NSUN3: variants seen among roughly 807,000 people sequenced by gnomAD.
The protein encoded by NSUN3 is tRNA (cytosine(34)-C(5))-methyltransferase, mitochondrial.
NSUN3 carries 24 observed loss-of-function variants against 36.8 expected under a neutral mutation model. That is an observed-to-expected ratio of 0.65 (90% CI 0.47 to 0.92). NSUN3 has a LOEUF of 0.92. Ranked by LOEUF, NSUN3 falls within the 40% of genes least tolerant of loss-of-function variation. NSUN3 has a pLI of 0.00. For missense variants in NSUN3, 381 were observed against 392.8 expected (o/e 0.97, Z 0.25); for synonymous variants, 146 against 145.2 (o/e 1.01, Z -0.04).
chr3:94,129,069 A>C lies in NSUN3; in HGVS notation c.*2579A>C, dbSNP rs2077499592. ...TGTTGGTGGAAATGTAAATTACTTC[A>C]GCCTCTATGGAAAGCAGTTTGGAGA... On this transcript the variant is annotated 3_prime_UTR_variant, in exon 6 of 6. Transcript: ENST00000314622. Among the ~76,000 whole-genome samples, 1 of 152,242 alleles carries C rather than the reference A, an allele frequency of 6.6e-6. No individual in the cohort carries two copies. Among genetic ancestry groups the C allele is most frequent in the African/African-American group, 2.4e-5 (1 of 41,460 alleles).
intron 2 of NSUN3, among the ~76,000 whole-genome samples, chr3:94,082,369 T>C (rs1307072307): frequency 6.6e-6 from 1 of 152,194 alleles, no homozygotes; most frequent in Non-Finnish European, 1.5e-5. Context: ...CCCTGCAGTC[T>C]GTTTTACAGA....
chr3:94,075,983 A>G, intron 2 of NSUN3: 4 of 1,593,062 alleles, frequency 2.5e-6, no homozygotes, highest in Non-Finnish European at 3.4e-6. Context: ...CATTTGCCAC[A>G]CTTGCATGAT....
chr3:94,064,054 C>G (rs2077193124), intron 1 of NSUN3: 1 of 163,036 alleles, frequency 6.1e-6, no homozygotes, highest in Non-Finnish European at 1.3e-5. Context: ...CCCGTGTTGG[C>G]CAACCTGGTC....
chr3:94,082,479 C>G lies in NSUN3; in HGVS notation c.123-1628C>G, dbSNP rs573526817. 3.3e-5 allele frequency among the ~76,000 whole-genome samples: 5 copies of G among 152,264 alleles called. 1 individual carries two copies. Among genetic ancestry groups the G allele is most frequent in the African/African-American group, 1.2e-4 (5 of 41,546 alleles). On this transcript the variant is annotated intron_variant, in intron 2 of 5. Transcript: ENST00000314622. ...AGATACGCCAGGCTCCTGTGACTCACCATCCATAGTAAGAGGCAGTGAAAG... is the reference window on the plus strand; with the variant it reads ...AGATACGCCAGGCTCCTGTGACTCAGCATCCATAGTAAGAGGCAGTGAAAG...
At chr3:94,104,432 C>T (rs947672087) in intron 5 of NSUN3, among the ~76,000 whole-genome samples, 4 of 152,190 alleles carry the variant, frequency 2.6e-5, no homozygotes, top group African/African-American at 9.7e-5. Context: ...CACTCCTGAA[C>T]CCCAACCAGG....
intron 2 of NSUN3, among the ~76,000 whole-genome samples, chr3:94,075,735 C>A (rs767023999): frequency 1.4e-4 from 22 of 151,888 alleles, no homozygotes; most frequent in Non-Finnish European, 2.8e-4. Context: ...ATCAAGCCCC[C>A]CCCCCCAATA....
intron 5 of NSUN3, among the ~76,000 whole-genome samples, chr3:94,095,662 T>C (rs985958609): frequency 6.6e-6 from 1 of 152,208 alleles, no homozygotes; most frequent in African/African-American, 2.4e-5. Flanking sequence ...TGAAACATTA[T>C]TGTTCGGGTT....
chr3:94,126,304 T>G lies in NSUN3; in HGVS notation c.837T>G (p.Ile279Met). The change falls in exon 6 of 6, where the codon ATT becomes ATG. Residue 279 changes from isoleucine to methionine, a missense_variant. Physicochemically the swap from Ile to Met is conservative, Grantham distance 10 (BLOSUM62 1). Transcript: ENST00000314622. Reference sequence around the variant, plus strand: ...AAAATCAAGATGTGATCAGTGAAATTTTAAACTCCCACGGTAACATCATGC... The same window carrying G: ...AAAATCAAGATGTGATCAGTGAAATGTTAAACTCCCACGGTAACATCATGC... ...KAENQDVISE[I>M]LNSHGNIMPM... 6.2e-7 allele frequency: 1 copy of G among 1,614,150 alleles called. No homozygotes were observed. The highest frequency in any genetic ancestry group is 2.2e-5 in the East Asian group (1 of 44,874).
At chr3:94,112,763 T>C (rs1318907334) in intron 5 of NSUN3, among the ~76,000 whole-genome samples, 1 of 152,218 alleles carries the variant, frequency 6.6e-6, no homozygotes, top group East Asian at 1.9e-4. Flanking sequence ...ATCCCATTAC[T>C]ATGGAAGGAA....
intron 5 of NSUN3, among the ~76,000 whole-genome samples, chr3:94,097,410 C>G (rs1157247475): frequency 6.6e-6 from 1 of 150,814 alleles, no homozygotes; most frequent in South Asian, 2.1e-4. Flanking sequence ...CCATGTAGAT[C>G]TACTTTGTTC....
chr3:94,119,266 A>G (rs1238807989), intron 5 of NSUN3, among the ~76,000 whole-genome samples: 1 of 152,232 alleles, frequency 6.6e-6, no homozygotes, highest in Non-Finnish European at 1.5e-5. Context: ...TTTTTAAATC[A>G]TTGAACTTGT....
Position 94,127,663 on chromosome 3 carries a change from G to A in NSUN3, c.*1173G>A, listed in dbSNP as rs1427613385. The A allele has an allele frequency of 6.6e-6, 1 of 151,950 alleles. No homozygotes were observed. The highest frequency in any genetic ancestry group is 2.4e-5 in the African/African-American group (1 of 41,358). 9.4% of individuals were successfully genotyped at this position (151,950 alleles called of 1,614,324 possible). A position where few individuals can be genotyped will look rare whatever the true frequency, so the allele number is the denominator to read the frequency against. On this transcript the variant is annotated 3_prime_UTR_variant, in exon 6 of 6. Coordinates refer to ENST00000314622, the MANE Select transcript of NSUN3 (RefSeq NM_022072.5). ...ATTATGCAGCACATCTCAAAAAATA[G>A]CATCTCTTTGGAAAATAGCCTTTAA...
chr3:94,091,951 G>C (rs561247617), intron 3 of NSUN3, among the ~76,000 whole-genome samples: 1 of 152,178 alleles, frequency 6.6e-6, no homozygotes, highest in East Asian at 1.9e-4. Flanking sequence ...CCTAGCAAAG[G>C]CTCATGCCAT....
chr3:94,089,374 T>G (rs1168287808), intron 3 of NSUN3, among the ~76,000 whole-genome samples: 1 of 152,112 alleles, frequency 6.6e-6, no homozygotes, highest in Non-Finnish European at 1.5e-5. Flanking sequence ...CACACTAAAG[T>G]GATAATTCAT....
At chr3:94,095,221 T>C (rs1035227563) in intron 5 of NSUN3, 67 bp downstream of exon 5, 4 of 1,499,262 alleles carry the variant, frequency 2.7e-6, no homozygotes, top group Non-Finnish European at 3.7e-6. Flanking sequence ...TAATAGAACA[T>C]GTCAGGCCCC....
At chr3:94,081,633 T>C (rs769458485) in intron 2 of NSUN3, 6 of 152,218 alleles carry the variant, frequency 3.9e-5, no homozygotes, top group Non-Finnish European at 8.8e-5. Context: ...TCCTTCAAGA[T>C]TTAACATATT....
At chr3:94,072,199 A>G (rs1234284273) in intron 2 of NSUN3, among the ~76,000 whole-genome samples, 2 of 152,156 alleles carry the variant, frequency 1.3e-5, no homozygotes, top group African/African-American at 4.8e-5. Context: ...GGGTTGGGGT[A>G]AAATTCTCTT....
chr3:94,078,585 G>T (rs539719368), intron 2 of NSUN3, among the ~76,000 whole-genome samples: 11 of 152,218 alleles, frequency 7.2e-5, no homozygotes, highest in African/African-American at 2.4e-4. Context: ...TCTCTTTGTA[G>T]GTCTCTAAGA....
Position 94,128,686 on chromosome 3 carries a change from A to G in NSUN3, c.*2196A>G, listed in dbSNP as rs565424559. 11 of 152,060 alleles carry G rather than the reference A, an allele frequency of 7.2e-5. No homozygotes were observed. The highest frequency in any genetic ancestry group is 2.7e-4 in the African/African-American group (11 of 41,502). The allele number at this position is 152,060 out of a possible 1,614,324, so 9.4% of individuals were successfully genotyped here. On this transcript the variant is annotated 3_prime_UTR_variant, in exon 6 of 6. Transcript: ENST00000314622. ...CTGAAGAGCTTCTGCACAGCAAACT[A>G]AACTATCAACAGAGTAGCAGACAAC...
Sources: gnomAD v4.1 joint callset for allele counts (sites outside exome capture counted in the v4.1 genomes callset) on GRCh38, gnomAD v4.1.1 for gene constraint, MANE v1.5 for transcripts, NCBI Gene and HGNC (gene_info 2026-07-23, HGNC 2026-07-21) for gene names.